The following HPSE2 variants were observed in gnomAD, a reference collection of about 807,000 sequenced individuals.
The protein encoded by HPSE2 is heparanase 2 (inactive), also known as inactive heparanase-2.
HPSE2 carries 38 observed loss-of-function variants against 60.5 expected under a neutral mutation model. The ratio of observed to expected loss-of-function variants is 0.63; its 90% CI spans 0.48 to 0.82. HPSE2 has a LOEUF of 0.82. HPSE2 is among the 40% of genes least tolerant of loss of function. HPSE2 has a pLI of 0.00. For synonymous variants in HPSE2, 295 were observed against 293.2 expected (o/e 1.01, Z -0.06); for missense variants, 713 against 740.4 (o/e 0.96, Z 0.43).
At position 98,748,924 on chromosome 10, in the gene HPSE2, T is replaced by C. The variant is rs533334712; in HGVS notation, c.611-4868A>G. ...TTAATCAAACAGTGAGGTTAGAAAT[T>C]AGATTTAGGTTGTGATGAGACCTTA... On this transcript the variant is annotated intron_variant, in intron 3 of 11. Transcript: ENST00000370552. Among the ~76,000 whole-genome samples the C allele has an allele frequency of 9.2e-5, 14 of 151,814 alleles. 1 individual carries two copies. In the South Asian group the frequency reaches 2.9e-3, roughly 32 times the overall value.
At chr10:99,284,722 G>A in the HPSE2 span, among the ~76,000 whole-genome samples, 7 of 152,226 alleles carry the variant, frequency 4.6e-5, no homozygotes, top group South Asian at 2.1e-4. Context: ...TCAGGGGTAC[G>A]AATGTAGGTT....
chr10:98,537,329 T>C (rs370335467), intron 9 of HPSE2, among the ~76,000 whole-genome samples: 6 of 152,234 alleles, frequency 3.9e-5, no homozygotes, highest in African/African-American at 1.4e-4. Flanking sequence ...GGTCAAGACA[T>C]ATGTATTTGT....
intron 3 of HPSE2, among the ~76,000 whole-genome samples, chr10:98,910,994 A>C (rs1014130738): frequency 1.3e-5 from 2 of 152,220 alleles, no homozygotes; most frequent in East Asian, 3.8e-4. Context: ...AAGAACATAA[A>C]AAATCAGAAT....
At chr10:98,697,663 C>T (rs368792085) in intron 5 of HPSE2, among the ~76,000 whole-genome samples, 3 of 152,202 alleles carry the variant, frequency 2.0e-5, no homozygotes, top group South Asian at 4.1e-4. Context: ...GAGAACCGCA[C>T]TAAGATAATC....
At chr10:99,029,140 T>C (rs868308784) in intron 3 of HPSE2, among the ~76,000 whole-genome samples, 1 of 151,960 alleles carries the variant, frequency 6.6e-6, no homozygotes, top group Non-Finnish European at 1.5e-5. Flanking sequence ...TGGGATCACA[T>C]CAAGTTAAAA....
chr10:99,235,421 TTTC>T, intron 1 of HPSE2, 89 bp downstream of exon 1: 1 of 1,213,066 alleles, frequency 8.2e-7, no homozygotes, highest in Non-Finnish European at 1.2e-6. Flanking sequence ...CTTGGCTTAT[TTTC>T]TTCTTTCCCC....
intron 3 of HPSE2, among the ~76,000 whole-genome samples, chr10:98,900,436 G>A (rs1385579021): frequency 2.0e-5 from 3 of 152,134 alleles, no homozygotes; most frequent in Non-Finnish European, 4.4e-5. Flanking sequence ...GGAAAAGTTG[G>A]TAAGAGGCGT....
chr10:98,588,872 G>A (rs558568997), intron 9 of HPSE2, among the ~76,000 whole-genome samples: 84 of 150,490 alleles, frequency 5.6e-4, no homozygotes, highest in Middle Eastern at 6.8e-3. Context: ...GCATCTAGAA[G>A]GAAAAAAAGG....
At chr10:98,818,457 C>T (rs1045747064) in intron 3 of HPSE2, among the ~76,000 whole-genome samples, 1 of 152,154 alleles carries the variant, frequency 6.6e-6, no homozygotes, top group African/African-American at 2.4e-5. Flanking sequence ...GAAGGCAGAG[C>T]TCAGGTAGTC....
chr10:98,657,458 G>A lies in HPSE2; in HGVS notation c.1005-15518C>T, dbSNP rs189062970. Among the ~76,000 whole-genome samples the A allele has an allele frequency of 5.9e-3, 894 of 151,934 alleles. 7 individuals are homozygous for A. The highest frequency in any genetic ancestry group is 0.02 in the African/African-American group (831 of 41,434). ...CAATTCTTGTGCTTCAACACCCCCC[G>A]CCCCAGTAGCTGGGATTATAGGTGC... On this transcript the variant is annotated intron_variant, in intron 6 of 11. Coordinates refer to ENST00000370552, the MANE Select transcript of HPSE2 (RefSeq NM_021828.5).
chr10:99,308,983 A>T, the HPSE2 span, among the ~76,000 whole-genome samples: 1 of 152,224 alleles, frequency 6.6e-6, no homozygotes, highest in South Asian at 2.1e-4. Context: ...TCAGCCTCAA[A>T]GAGTATGTTT....
At chr10:99,034,740 A>G (rs1199773006) in intron 3 of HPSE2, among the ~76,000 whole-genome samples, 1 of 152,194 alleles carries the variant, frequency 6.6e-6, no homozygotes, top group African/African-American at 2.4e-5. Context: ...GTATTTACAC[A>G]AATCTAGATG....
chr10:98,769,986 A>G (rs927265397), intron 3 of HPSE2, among the ~76,000 whole-genome samples: 1 of 152,208 alleles, frequency 6.6e-6, no homozygotes, highest in African/African-American at 2.4e-5. Context: ...GTCTATCTAA[A>G]AGGTCCAAAG....
chr10:98,914,141 G>A (rs1286824297), intron 3 of HPSE2, among the ~76,000 whole-genome samples: 1 of 152,112 alleles, frequency 6.6e-6, no homozygotes, highest in Non-Finnish European at 1.5e-5. Flanking sequence ...TGAATTATGG[G>A]GACAGGTCTT....
chr10:99,123,144 C>T (rs529384379), intron 3 of HPSE2, among the ~76,000 whole-genome samples: 13 of 152,032 alleles, frequency 8.6e-5, no homozygotes, highest in South Asian at 2.1e-4. Context: ...AAGAGTAAAG[C>T]TCTAAATTAA....
At chr10:98,699,322 C>G (rs1948333333) in intron 5 of HPSE2, among the ~76,000 whole-genome samples, 1 of 150,542 alleles carries the variant, frequency 6.6e-6, no homozygotes, top group Admixed American at 6.7e-5. Flanking sequence ...CCCTGGGATG[C>G]AAGGCTGGTT....
At chr10:99,180,548 A>G (rs536903823) in intron 2 of HPSE2, among the ~76,000 whole-genome samples, 4 of 152,286 alleles carry the variant, frequency 2.6e-5, no homozygotes, top group East Asian at 3.9e-4. Flanking sequence ...CAAAACCACA[A>G]TGAGATACCA....
intron 9 of HPSE2, among the ~76,000 whole-genome samples, chr10:98,526,124 A>G (rs1160688567): frequency 6.6e-6 from 1 of 152,218 alleles, no homozygotes; most frequent in African/African-American, 2.4e-5. Context: ...GCCTGCTAGT[A>G]TGTAGATGCT....
chr10:99,224,176 CTG>C (rs1849400727), intron 2 of HPSE2, among the ~76,000 whole-genome samples: 1 of 150,804 alleles, frequency 6.6e-6, no homozygotes, highest in African/African-American at 2.5e-5. Context: ...CAAAATTACA[CTG>C]TCTTTCACCA....
Sources: allele counts gnomAD v4.1 joint callset (sites outside exome capture counted in the v4.1 genomes callset), GRCh38; gene constraint gnomAD v4.1.1; transcripts MANE v1.5; gene names NCBI Gene and HGNC (gene_info 2026-07-23, HGNC 2026-07-21).